The following GPR157 variants were observed in gnomAD, a reference collection of about 807,000 sequenced individuals.
The protein encoded by GPR157 is G protein-coupled receptor 157.
In GPR157, 16 loss-of-function variants were observed where a neutral mutation model predicts 23.5. The observed-to-expected ratio is 0.68, with a 90% CI of 0.46 to 1.04. The LOEUF (loss-of-function observed/expected upper bound fraction) is 1.04, where lower values mean the gene tolerates loss of function less well. Ranked by LOEUF, GPR157 falls within the 50% of genes least tolerant of loss-of-function variation. The pLI is 0.00. For missense variants in GPR157, 440 were observed against 460.7 expected (o/e 0.96, Z 0.41); for synonymous variants, 200 against 221.5 (o/e 0.90, Z 0.86).
chr1:9,110,199 A>G (rs528445547), intron 2 of GPR157, among the ~76,000 whole-genome samples: 2 of 152,142 alleles, frequency 1.3e-5, no homozygotes, highest in African/African-American at 4.8e-5. Context: ...GCTATACAGC[A>G]CTCTGGTGCT....
chr1:9,123,163 G>GGAAA (rs374439585), intron 1 of GPR157, among the ~76,000 whole-genome samples: 3 of 87,566 alleles, frequency 3.4e-5, no homozygotes, highest in Non-Finnish European at 4.4e-5. Context: ...TCTTGGGTGG[G>GGAAA]AAAAAAAAAA....
intron 1 of GPR157, among the ~76,000 whole-genome samples, chr1:9,123,373 T>A (rs1352827633): frequency 3.5e-3 from 105 of 29,912 alleles, no homozygotes; most frequent in African/African-American, 0.011. Flanking sequence ...ATATTTAAAT[T>A]AAATATATAT....
In GPR157 at chr1:9,111,013, C is replaced by T. The variant is rs140189559; in HGVS notation, c.597+263G>A. 1,131 of 521,796 alleles carry T rather than the reference C, an allele frequency of 2.2e-3. 4 individuals carry two copies. The highest frequency in any genetic ancestry group is 2.9e-3 in the Non-Finnish European group (816 of 284,654). 32.3% of individuals were successfully genotyped at this position (521,796 alleles called of 1,614,324 possible). On this transcript the variant is annotated intron_variant, in intron 2 of 3. Transcript: ENST00000377411. ...CCCTGTGCCCCCACAGGCCCTTAAT[C>T]GGCTAAGCCTCGTTTCCTTATCTAC...
rs2124503524 is a variant in GPR157 at position 9,103,534 on chromosome 1, T to C, written c.*885A>G. The C allele has an allele frequency of 6.6e-6, 1 of 152,290 alleles. No individual in the cohort carries two copies. Among genetic ancestry groups the C allele is most frequent in the Admixed American group, 6.5e-5 (1 of 15,298 alleles). The allele number at this position is 152,290 out of a possible 1,614,324, so 9.4% of individuals were successfully genotyped here. A position where few individuals can be genotyped will look rare whatever the true frequency, so the allele number is the denominator to read the frequency against. On this transcript the variant is annotated 3_prime_UTR_variant, in exon 4 of 4. Coordinates refer to ENST00000377411, the MANE Select transcript of GPR157 (RefSeq NM_024980.5). Reference sequence around the variant, plus strand: ...ACAAAAAACTAAACTAAGAAGTAAATAAGCCAGAACCCCTCCCTACTCATC... The same window carrying C: ...ACAAAAAACTAAACTAAGAAGTAAACAAGCCAGAACCCCTCCCTACTCATC...
At position 9,105,068 on chromosome 1, in the gene GPR157, C is replaced by CACACACACAT. The variant is rs535847433; in HGVS notation, c.792+417_792+418insATGTGTGTGT. Among the ~76,000 whole-genome samples, 57 of 144,570 alleles carry CACACACACAT rather than the reference C, an allele frequency of 3.9e-4. No homozygotes were observed. The highest frequency in any genetic ancestry group is 7.0e-3 in the Middle Eastern group (2 of 284). The allele number at this position is 144,570 out of a possible 152,430, so 94.8% of individuals were successfully genotyped here. A position where few individuals can be genotyped will look rare whatever the true frequency, so the allele number is the denominator to read the frequency against. On this transcript the variant is annotated intron_variant, in intron 3 of 3. Transcript: ENST00000377411. The surrounding 1 kb of genome is among the most constrained non-coding windows in gnomAD (Gnocchi z 4.8). ...ACACACACACACACACACACACACA[C>CACACACACAT]ATGCATACACACATGCATACATGCA...
rs961028317 is a variant in GPR157, at chr1:9,113,305, T to C, written c.384-1816A>G. 7.9e-5 allele frequency among the ~76,000 whole-genome samples: 12 copies of C among 152,224 alleles called. 1 individual carries two copies. Among genetic ancestry groups the C allele is most frequent in the African/African-American group, 2.4e-4 (10 of 41,458 alleles). On this transcript the variant is annotated intron_variant, in intron 1 of 3. Coordinates refer to ENST00000377411, the MANE Select transcript of GPR157 (RefSeq NM_024980.5). The stretch of plus-strand genomic sequence containing the variant: ...CCTTAGGTAAACAGGAATGATACTA[T>C]GATAACTGTGAGATCAGAGTTCAAC...
At chr1:9,127,846 T>G (rs1192037443) in intron 1 of GPR157, among the ~76,000 whole-genome samples, 1 of 152,076 alleles carries the variant, frequency 6.6e-6, no homozygotes, top group African/African-American at 2.4e-5. Context: ...TGCCCTCAGT[T>G]CAGCACAGCA....
At chr1:9,108,082 C>A (rs1638387835) in intron 2 of GPR157, among the ~76,000 whole-genome samples, 1 of 152,180 alleles carries the variant, frequency 6.6e-6, no homozygotes, top group South Asian at 2.1e-4. Flanking sequence ...CAGTGAGACG[C>A]TGCCTCTAAA....
rs542041886 is a variant in GPR157 at position 9,105,222 on chromosome 1, A to C, written c.792+264T>G. The stretch of plus-strand genomic sequence containing the variant: ...CTCCAGGTCTTCTTGGCTGGGAAGG[A>C]CCCAAGATCAGTCAACTCTCCTAGG... On this transcript the variant is annotated intron_variant, in intron 3 of 3. Transcript: ENST00000377411. The surrounding 1 kb of genome is among the most constrained non-coding windows in gnomAD (Gnocchi z 4.8). Among the ~76,000 whole-genome samples the C allele has an allele frequency of 1.3e-5, 2 of 151,776 alleles. No homozygotes were observed. The highest frequency in any genetic ancestry group is 2.9e-5 in the Non-Finnish European group (2 of 67,932).
At chr1:9,109,225 G>A (rs1557694975) in intron 2 of GPR157, among the ~76,000 whole-genome samples, 10 of 151,384 alleles carry the variant, frequency 6.6e-5, no homozygotes, top group Admixed American at 6.0e-4. Context: ...TGGGATTCTA[G>A]GCACCTGCCA....
At position 9,105,345 on chromosome 1, in the gene GPR157, G is replaced by T; in HGVS notation, c.792+141C>A. The T allele has an allele frequency of 1.4e-6, 1 of 702,658 alleles. No individual in the cohort carries two copies. The highest frequency in any genetic ancestry group is 2.3e-6 in the Non-Finnish European group (1 of 429,742). The allele number at this position is 702,658 out of a possible 1,614,324, so 43.5% of individuals were successfully genotyped here. A position where few individuals can be genotyped will look rare whatever the true frequency, so the allele number is the denominator to read the frequency against. On this transcript the variant is annotated intron_variant, in intron 3 of 3. Transcript: ENST00000377411. This position sits in a 1 kb window ranked among gnomAD's most constrained non-coding sequence, Gnocchi z 4.8. ...AGGTCCTGTCTCAGGCAGAGAGGAA[G>T]GCACAGCACAGTGGGGCCGAGCTCC...
Position 9,103,117 on chromosome 1 carries a change from A to C in GPR157, c.*1302T>G, listed in dbSNP as rs1002608426. 2 of 151,340 alleles carry C rather than the reference A, an allele frequency of 1.3e-5. No homozygotes were observed. The highest frequency in any genetic ancestry group is 1.3e-4 in the Admixed American group (2 of 15,154). 9.4% of individuals were successfully genotyped at this position (151,340 alleles called of 1,614,324 possible). A position where few individuals can be genotyped will look rare whatever the true frequency, so the allele number is the denominator to read the frequency against. ...AGGCTCCTTTTTTAAAAAAAAAAAAAAAAAAAAACTGACTCTGAAGCTTAA... is the reference window on the plus strand; with the variant it reads ...AGGCTCCTTTTTTAAAAAAAAAAAACAAAAAAAACTGACTCTGAAGCTTAA... On this transcript the variant is annotated 3_prime_UTR_variant, in exon 4 of 4. Transcript: ENST00000377411.
Position 9,105,531 on chromosome 1 carries a change from GA to G in GPR157, c.746del (p.Leu249ProfsTer215). The part of the protein sequence containing the change: ...VWSTVRFVLT[L>X]CGSPAVQTPV... ...GCGTCTGCACGGCCGGGGAGCCACA[GA>G]GGGTCAGCACGAACCGCACGGTGCT... is the stretch of plus-strand genomic sequence containing the variant. On this transcript the variant is annotated frameshift_variant, in exon 3 of 4. Transcript: ENST00000377411. LOFTEE classifies it low-confidence loss of function (END_TRUNC). The surrounding 1 kb of genome is among the most constrained non-coding windows in gnomAD (Gnocchi z 4.8). The G allele has an allele frequency of 6.3e-7, 1 of 1,593,000 alleles. No individual in the cohort carries two copies. Among genetic ancestry groups the G allele is most frequent in the Non-Finnish European group, 8.5e-7 (1 of 1,170,636 alleles).
intron 1 of GPR157, among the ~76,000 whole-genome samples, chr1:9,113,820 G>C (rs1638567319): frequency 6.6e-6 from 1 of 151,524 alleles, no homozygotes; most frequent in East Asian, 2.0e-4. Flanking sequence ...GTGCATGCCT[G>C]TAATCCCAGC....
At chr1:9,119,575 C>A (rs1020101845) in intron 1 of GPR157, among the ~76,000 whole-genome samples, 10 of 152,150 alleles carry the variant, frequency 6.6e-5, no homozygotes, top group African/African-American at 2.4e-4. Context: ...GTTAGGGCAG[C>A]CTGAGGCTTT....
At chr1:9,116,358 A>AAATTATAT (rs1638677530) in intron 1 of GPR157, among the ~76,000 whole-genome samples, 1 of 12,106 alleles carries the variant, frequency 8.3e-5, no homozygotes, top group Non-Finnish European at 1.3e-4. Context: ...AATTATATAT[A>AAATTATAT]AATTATATAT....
At chr1:9,116,834 C>T (rs1383777090) in intron 1 of GPR157, among the ~76,000 whole-genome samples, 3 of 151,926 alleles carry the variant, frequency 2.0e-5, no homozygotes, top group Non-Finnish European at 4.4e-5. Flanking sequence ...CTCCAAATCT[C>T]GGACTCAAGT....
chr1:9,117,056 T>C (rs1638697205), intron 1 of GPR157, among the ~76,000 whole-genome samples: 1 of 152,114 alleles, frequency 6.6e-6, no homozygotes, highest in Non-Finnish European at 1.5e-5. Context: ...TTTTTCAAAA[T>C]GGGATCTCAC....
intron 2 of GPR157, among the ~76,000 whole-genome samples, chr1:9,106,092 G>A (rs1016873420): frequency 1.3e-5 from 2 of 152,002 alleles, no homozygotes; most frequent in African/African-American, 4.8e-5. Flanking sequence ...ATAGATGCAG[G>A]GTCTCCCTAT....
Sources: allele counts gnomAD v4.1 joint callset (sites outside exome capture counted in the v4.1 genomes callset), GRCh38; gene constraint gnomAD v4.1.1; non-coding constraint Gnocchi (gnomAD v3.1); transcripts MANE v1.5; gene names NCBI Gene and HGNC (gene_info 2026-07-23, HGNC 2026-07-21).